Variants in DAB1 observed in about 807,000 individuals in gnomAD.
DAB1 encodes disabled homolog 1.
In DAB1, 15 loss-of-function variants were observed where a neutral mutation model predicts 64.6. The ratio of observed to expected loss-of-function variants is 0.23; its 90% confidence interval spans 0.16 to 0.36. DAB1 has a LOEUF of 0.36. DAB1 is among the 10% of genes least tolerant of loss of function. The pLI, the probability that DAB1 is intolerant of heterozygous loss-of-function variation, is 1.00. For synonymous variants in DAB1, 235 were observed against 251.9 expected (o/e 0.93, Z 0.64); for missense variants, 596 against 706.7 (o/e 0.84, Z 1.78).
At chr1:57,655,363 A>G (rs1437666813) in intron 6 of DAB1, among the ~76,000 whole-genome samples, 1 of 151,566 alleles carries the variant, frequency 6.6e-6, no homozygotes, top group Non-Finnish European at 1.5e-5. Context: ...CATCCATCTA[A>G]CCATCCATCA....
intron 4 of DAB1, among the ~76,000 whole-genome samples, chr1:58,285,345 G>GAAGTCAAAC (rs1200730464): frequency 6.6e-6 from 1 of 152,126 alleles, no homozygotes; most frequent in East Asian, 1.9e-4. Context: ...ATTCAAATCG[G>GAAGTCAAAC]AAGTCAAACT....
chr1:58,285,000 T>C (rs762611951), intron 4 of DAB1, among the ~76,000 whole-genome samples: 1 of 152,256 alleles, frequency 6.6e-6, no homozygotes, highest in African/African-American at 2.4e-5. Context: ...ACTTTCTTTA[T>C]GACGGTGTTC....
At chr1:57,899,362 T>C (rs1452225375) in intron 5 of DAB1, among the ~76,000 whole-genome samples, 1 of 152,176 alleles carries the variant, frequency 6.6e-6, no homozygotes, top group East Asian at 1.9e-4. Context: ...TGTGATCTTA[T>C]ACCATTGTTA....
intron 4 of DAB1, among the ~76,000 whole-genome samples, chr1:58,311,353 T>C (rs1386895429): frequency 6.6e-6 from 1 of 152,106 alleles, no homozygotes; most frequent in African/African-American, 2.4e-5. Flanking sequence ...AAGTGTATAG[T>C]GAATAATTTC....
At chr1:57,188,668 C>T (rs1265681755) in intron 2 of DAB1, among the ~76,000 whole-genome samples, 1 of 152,080 alleles carries the variant, frequency 6.6e-6, no homozygotes, top group Non-Finnish European at 1.5e-5. Flanking sequence ...CTCTTTGCCA[C>T]TTTCTGGTCT....
chr1:58,134,186 T>G (rs140749818), intron 5 of DAB1, among the ~76,000 whole-genome samples: 31 of 152,236 alleles, frequency 2.0e-4, no homozygotes, highest in African/African-American at 7.2e-4. Flanking sequence ...CGTTGGGAAG[T>G]CTAAGATCAA....
intron 6 of DAB1, among the ~76,000 whole-genome samples, chr1:57,764,754 C>T (rs937260706): frequency 1.3e-5 from 2 of 152,090 alleles, no homozygotes; most frequent in African/African-American, 4.8e-5. Context: ...TTGTTCCCCA[C>T]AATTTATAAC....
intron 7 of DAB1, among the ~76,000 whole-genome samples, chr1:57,630,139 A>C (rs906123931): frequency 6.6e-6 from 1 of 152,196 alleles, no homozygotes; most frequent in African/African-American, 2.4e-5. Context: ...GGGAGAAATC[A>C]CTCAGTTCTG....
At chr1:57,111,678 A>T (rs1268628488) in intron 4 of DAB1, among the ~76,000 whole-genome samples, 2 of 152,170 alleles carry the variant, frequency 1.3e-5, no homozygotes, top group Non-Finnish European at 2.9e-5. Flanking sequence ...AATTTTTAAA[A>T]ACTACACAGT....
chr1:57,725,060 AG>A (rs1390107479), intron 6 of DAB1, among the ~76,000 whole-genome samples: 1 of 152,212 alleles, frequency 6.6e-6, no homozygotes, highest in Non-Finnish European at 1.5e-5. Flanking sequence ...GAGACAGCAT[AG>A]TACAGTGGTC....
intron 6 of DAB1, among the ~76,000 whole-genome samples, chr1:57,774,356 G>C (rs1396676126): frequency 6.6e-6 from 1 of 151,736 alleles, no homozygotes. Flanking sequence ...CATTTCTGGA[G>C]ATTAAAATTT....
intron 2 of DAB1, among the ~76,000 whole-genome samples, chr1:58,519,581 A>T (rs1646228337): frequency 6.6e-6 from 1 of 152,176 alleles, no homozygotes; most frequent in African/African-American, 2.4e-5. Context: ...CTGATGGAAA[A>T]AAAAAATATA....
intron 2 of DAB1, among the ~76,000 whole-genome samples, chr1:57,280,760 G>A (rs987893897): frequency 6.6e-6 from 1 of 152,138 alleles, no homozygotes. Flanking sequence ...TGAATTGTAG[G>A]AATTTTGAAT....
intron 6 of DAB1, among the ~76,000 whole-genome samples, chr1:57,781,510 T>C (rs1408142): frequency 0.15 from 22,360 of 151,866 alleles, 1,850 homozygotes; most frequent in East Asian, 0.26. Flanking sequence ...TCTTAAACCT[T>C]ACAAAAAAAC....
At chr1:57,385,547 C>A (rs1324595820) in intron 1 of DAB1, among the ~76,000 whole-genome samples, 8 of 152,122 alleles carry the variant, frequency 5.3e-5, no homozygotes, top group Non-Finnish European at 1.2e-4. Context: ...ATAGCCCCTG[C>A]CTTGAAGGAG....
chr1:58,486,429 A>G (rs558277277), intron 3 of DAB1, among the ~76,000 whole-genome samples: 22 of 152,298 alleles, frequency 1.4e-4, no homozygotes, highest in Admixed American at 1.3e-3. Context: ...AATGTCCTAC[A>G]TGCTAAATTT....
intron 7 of DAB1, among the ~76,000 whole-genome samples, chr1:57,527,768 T>G (rs1422050426): frequency 6.6e-6 from 1 of 151,802 alleles, no homozygotes; most frequent in Non-Finnish European, 1.5e-5. Flanking sequence ...GGTCAGGGAG[T>G]TGATAGAGAA....
intron 5 of DAB1, among the ~76,000 whole-genome samples, chr1:58,043,729 C>G (rs927370472): frequency 6.7e-6 from 1 of 149,164 alleles, no homozygotes; most frequent in Admixed American, 6.6e-5. Context: ...ATAATCACAA[C>G]CCACATTTTT....
rs181143303 is a variant in DAB1, at chr1:57,634,693, T to C, written n.625+14899A>G. On this transcript the variant is annotated intron_variant and non_coding_transcript_variant, in intron 7 of 20. Coordinates refer to the DAB1 transcript ENST00000485760. ...CATCTTTTGTGTGCCAGGACTGTTT[T>C]AGGTGCCAGCAATATCCTTGTAAAC... 1.5e-3 allele frequency among the ~76,000 whole-genome samples: 236 copies of C among 152,332 alleles called. 2 individuals are homozygous for C. Among genetic ancestry groups the C allele is most frequent in the African/African-American group, 5.4e-3 (226 of 41,580 alleles).
Sources: allele counts gnomAD v4.1 joint callset (sites outside exome capture counted in the v4.1 genomes callset), GRCh38; gene constraint gnomAD v4.1.1; transcripts MANE v1.5; gene names NCBI Gene and HGNC (gene_info 2026-07-23, HGNC 2026-07-21).